The following DNAH7 variants were observed in gnomAD, a reference collection of about 807,000 sequenced individuals.
DNAH7 encodes axonemal beta dynein heavy chain 7.
DNAH7 carries 397 observed loss-of-function variants against 444.6 expected under a neutral mutation model. The observed-to-expected ratio is 0.89, with a 90% CI of 0.82 to 0.97. The LOEUF (loss-of-function observed/expected upper bound fraction) is 0.97. Ranked by LOEUF, DNAH7 falls within the 50% of genes least tolerant of loss-of-function variation. The pLI is 0.00. For synonymous variants in DNAH7, 1,636 were observed against 1,624.4 expected, an observed-to-expected ratio of 1.01 and a Z score of -0.17; for missense variants, 4,902 against 4,800.8, an observed-to-expected ratio of 1.02 and a Z score of -0.62.
intron 7 of DNAH7, among the ~76,000 whole-genome samples, 191 bp downstream of exon 7, chr2:196,026,563 CAAATAG>C (rs1695703170): frequency 6.6e-6 from 1 of 152,058 alleles, no homozygotes. Flanking sequence ...TATATCCCTA[CAAATAG>C]AAATAGAATT....
In DNAH7 at chr2:195,775,967, T is replaced by G. The variant is rs201300095; in HGVS notation, c.11081A>C (p.Glu3694Ala). The stretch of plus-strand genomic sequence containing the variant: ...GGTCAGTGGCAGAGTCTTTGTGTAT[T>G]CGATGTAGCTTTTGTGCTGCAGAGA... ...PPSGDHKSYIEYTKTLPLTPA... is the reference protein window; with the variant it reads ...PPSGDHKSYIAYTKTLPLTPA... Residue 3694 changes from glutamate to alanine, a missense_variant, in exon 60 of 65, where the codon GAA becomes GCA. Transcript: ENST00000312428. 7.0e-5 allele frequency: 113 copies of G among 1,613,996 alleles called. 1 individual carries two copies. The highest frequency in any genetic ancestry group is 1.6e-5 in the Non-Finnish European group (19 of 1,180,022).
chr2:196,066,019 G>T (rs1267615671), intron 1 of DNAH7, among the ~76,000 whole-genome samples: 3 of 152,122 alleles, frequency 2.0e-5, no homozygotes, highest in Non-Finnish European at 4.4e-5. Context: ...GTTTTCTGTT[G>T]GGATCCTGAC....
intron 5 of DNAH7, among the ~76,000 whole-genome samples, chr2:196,030,781 G>T (rs1696002693): frequency 6.6e-6 from 1 of 152,246 alleles, no homozygotes; most frequent in Admixed American, 6.5e-5. Flanking sequence ...TCATGCTGAT[G>T]CAAGAGGTGG....
intron 48 of DNAH7, among the ~76,000 whole-genome samples, chr2:195,832,254 A>G (rs1243349228): frequency 6.6e-6 from 1 of 152,180 alleles, no homozygotes; most frequent in African/African-American, 2.4e-5. Flanking sequence ...GTCTAAAATT[A>G]TGGAATTCTA....
chr2:195,846,880 A>G (rs570497244), intron 46 of DNAH7, among the ~76,000 whole-genome samples: 1 of 151,672 alleles, frequency 6.6e-6, no homozygotes, highest in East Asian at 1.9e-4. Context: ...CTTGCTCCTC[A>G]GCTTGCAGAT....
intron 63 of DNAH7, among the ~76,000 whole-genome samples, chr2:195,751,498 T>C (rs2105902469): frequency 6.6e-6 from 1 of 152,320 alleles, no homozygotes; most frequent in African/African-American, 2.4e-5. Context: ...TCTTCTGGTA[T>C]CTGTACTGTA....
At chr2:196,058,465 T>C (rs1697947246) in intron 1 of DNAH7, among the ~76,000 whole-genome samples, 2 of 152,194 alleles carry the variant, frequency 1.3e-5, no homozygotes, top group Admixed American at 1.3e-4. Context: ...CCCATGTGTC[T>C]CTCCACGTGT....
At chr2:195,998,564 CAAAAA>C (rs539748720) in intron 12 of DNAH7, among the ~76,000 whole-genome samples, 1 of 96,964 alleles carries the variant, frequency 1.0e-5, no homozygotes. Context: ...GACTCCAACT[CAAAAA>C]AAAAAAAAAA....
chr2:195,878,835 C>G (rs779444116), intron 36 of DNAH7, among the ~76,000 whole-genome samples: 22 of 152,088 alleles, frequency 1.4e-4, no homozygotes, highest in Non-Finnish European at 2.8e-4. Context: ...ACATCTCTGT[C>G]TTACCAGAAG....
chr2:195,960,934 A>G lies in DNAH7; in HGVS notation c.2217T>C (p.Phe739=). 1 of 1,590,574 alleles carries G rather than the reference A, an allele frequency of 6.3e-7. No individual in the cohort carries two copies. The highest frequency in any genetic ancestry group is 8.6e-7 in the Non-Finnish European group (1 of 1,167,140). Reference sequence around the variant, plus strand: ...AACCAAATGCTTCCTCTTCAGCATTAAACTGCTCAATCTGAAAGGATAAGT... The same window carrying G: ...AACCAAATGCTTCCTCTTCAGCATTGAACTGCTCAATCTGAAAGGATAAGT... ...LDLAADKIEQ[F]NAEEEAFGWL... The change falls in exon 18 of 65, where the codon TTT becomes TTC. Residue 739 remains phenylalanine (F), a synonymous_variant. Coordinates refer to ENST00000312428, the MANE Select transcript of DNAH7 (RefSeq NM_018897.3).
chr2:195,794,578 C>T, intron 56 of DNAH7, 40 bp from the exon 57 acceptor site: 2 of 1,588,828 alleles, frequency 1.3e-6, no homozygotes, highest in Non-Finnish European at 1.7e-6. Flanking sequence ...GTAAATAAAA[C>T]CCAAAGAAAA....
At position 195,972,293 on chromosome 2, in the gene DNAH7, T is replaced by C. The variant is rs1343420321; in HGVS notation, c.2007A>G (p.Glu669=). The C allele has an allele frequency of 2.5e-6, 4 of 1,614,036 alleles. No homozygotes were observed. In the African/African-American group the frequency reaches 5.3e-5, roughly 22 times the overall value. ...WYGRMGEIFE[E]HRKIIKEKIE... ...TTTTCTCTTTAATGATTTTCCTGTG[T>C]TCTTCAAAAATTTCTCCCATCCTTC... The change falls in exon 16 of 65, where the codon GAA becomes GAG. Residue 669 remains glutamate, a synonymous_variant. Coordinates refer to ENST00000312428, the MANE Select transcript of DNAH7 (RefSeq NM_018897.3).
intron 21 of DNAH7, among the ~76,000 whole-genome samples, chr2:195,934,150 T>G (rs1019473468): frequency 2.6e-5 from 4 of 152,194 alleles, no homozygotes; most frequent in African/African-American, 9.6e-5. Flanking sequence ...TGTTATTAAT[T>G]GTAGGAAGCA....
At chr2:196,045,476 C>T (rs1243436595) in intron 5 of DNAH7, among the ~76,000 whole-genome samples, 1 of 151,442 alleles carries the variant, frequency 6.6e-6, no homozygotes, top group Non-Finnish European at 1.5e-5. Context: ...AATGCAAAAG[C>T]AACTTTCTAA....
intron 61 of DNAH7, among the ~76,000 whole-genome samples, chr2:195,760,300 C>G (rs538019442): frequency 6.6e-6 from 1 of 152,180 alleles, no homozygotes; most frequent in South Asian, 2.1e-4. Context: ...GCTGTAGGCT[C>G]TGACTCCCAG....
Position 195,771,704 on chromosome 2 carries a change from T to G in DNAH7, c.11389A>C (p.Lys3797Gln), listed in dbSNP as rs1694849063. 3 of 1,614,202 alleles carry G rather than the reference T, an allele frequency of 1.9e-6. No individual in the cohort carries two copies. Among genetic ancestry groups the G allele is most frequent in the Non-Finnish European group, 2.5e-6 (3 of 1,180,026 alleles). Residue 3797 changes from lysine (K) to glutamine (Q), a missense_variant, in exon 61 of 65, where the codon AAG (lysine) becomes CAG (glutamine). Physicochemically the swap from Lys to Gln is moderately conservative, Grantham distance 53. Transcript: ENST00000312428. ...QEMGRFNKLL[K>Q]TIRDSCVNIQ... ...TTTACGCACGAATCTCTTATGGTCT[T>G]CAGTAACTTATTGAACCGTCCCATC...
At chr2:196,055,614 A>G (rs1380953618) in intron 2 of DNAH7, among the ~76,000 whole-genome samples, 3 of 152,252 alleles carry the variant, frequency 2.0e-5, no homozygotes, top group African/African-American at 7.2e-5. Context: ...AGGTGTTCTC[A>G]GAGTTGAAGC....
chr2:195,762,761 C>CACCAAT (rs1694404878), intron 61 of DNAH7, among the ~76,000 whole-genome samples: 2 of 152,226 alleles, frequency 1.3e-5, no homozygotes, highest in African/African-American at 4.8e-5. Context: ...GAGACACAGA[C>CACCAAT]ACCAATAAAA....
At chr2:196,021,039 AAGG>A (rs1429895101) in intron 8 of DNAH7, among the ~76,000 whole-genome samples, 2 of 152,228 alleles carry the variant, frequency 1.3e-5, no homozygotes, top group African/African-American at 2.4e-5. Context: ...AATATACAGC[AAGG>A]AGATTTTCCC....
Sources: allele counts gnomAD v4.1 joint callset (sites outside exome capture counted in the v4.1 genomes callset), GRCh38; gene constraint gnomAD v4.1.1; transcripts MANE v1.5; gene names NCBI Gene and HGNC (gene_info 2026-07-23, HGNC 2026-07-21).